AIDA: variants seen among roughly 807,000 people sequenced by gnomAD.
AIDA encodes axin interactor, dorsalization-associated protein.
A neutral mutation model predicts 42.7 loss-of-function variants in AIDA; 18 were observed. The observed-to-expected ratio is 0.42, with a 90% CI of 0.29 to 0.63. The LOEUF (loss-of-function observed/expected upper bound fraction) is 0.63, where lower values mean the gene tolerates loss of function less well. Among genes scored for constraint, AIDA ranks in the 20% least tolerant of loss-of-function variants. The pLI is 0.19. For missense variants in AIDA, 250 were observed against 354.1 expected (o/e 0.71, Z 2.36); for synonymous variants, 104 against 122.9 (o/e 0.85, Z 1.02).
At chr1:222,679,038 A>T (rs944945809) in intron 6 of AIDA, among the ~76,000 whole-genome samples, 3 of 152,106 alleles carry the variant, frequency 2.0e-5, no homozygotes, top group Non-Finnish European at 4.4e-5. Context: ...CTCTTTTATC[A>T]TTTGTTGAAT....
intron 8 of AIDA, among the ~76,000 whole-genome samples, chr1:222,671,512 A>G (rs1334580928): frequency 1.3e-5 from 2 of 152,180 alleles, no homozygotes; most frequent in Non-Finnish European, 2.9e-5. Context: ...AAAACTCACA[A>G]GTCACTAGAA....
At chr1:222,691,746 G>GT (rs1655381593) in intron 4 of AIDA, among the ~76,000 whole-genome samples, 1 of 152,074 alleles carries the variant, frequency 6.6e-6, no homozygotes, top group Non-Finnish European at 1.5e-5. Flanking sequence ...AAAAGACCAT[G>GT]TGTCAGTCAT....
intron 2 of AIDA, among the ~76,000 whole-genome samples, chr1:222,702,867 C>T (rs764143567): frequency 2.0e-5 from 3 of 152,214 alleles, no homozygotes; most frequent in African/African-American, 4.8e-5. Context: ...GGTTCTCCCC[C>T]TCTTCAGCGA....
chr1:222,703,205 A>G lies in AIDA; in HGVS notation c.123T>C (p.His41=). The G allele has an allele frequency of 6.2e-7, 1 of 1,608,006 alleles. No homozygotes were observed. Among genetic ancestry groups the G allele is most frequent in the East Asian group, 2.2e-5 (1 of 44,676 alleles). The change falls in exon 2 of 10, where the codon CAT becomes CAC. Residue 41 remains histidine, a synonymous_variant. Coordinates refer to ENST00000340020, the MANE Select transcript of AIDA (RefSeq NM_022831.4). ...AIDEYQILAR[H]LQKEAQAQHN... ...GTTGAGCTTGGGCCTCCTTTTGTAG[A>G]TGTCTTGCTAATCTGTAAGAAGAAA...
intron 2 of AIDA, among the ~76,000 whole-genome samples, chr1:222,701,872 C>T (rs1655717082): frequency 6.6e-6 from 1 of 152,016 alleles, no homozygotes; most frequent in Non-Finnish European, 1.5e-5. Context: ...TACAGGCACA[C>T]ACCACTACAC....
chr1:222,694,180 C>T (rs962211695), intron 3 of AIDA, 30 bp downstream of exon 3: 6 of 1,577,448 alleles, frequency 3.8e-6, no homozygotes, highest in African/African-American at 2.7e-5. Context: ...ATTTATTTTC[C>T]TTGTATTACA....
At position 222,686,962 on chromosome 1, in the gene AIDA, C is replaced by T; in HGVS notation, c.428G>A (p.Gly143Glu). The T allele has an allele frequency of 1.2e-6, 2 of 1,613,706 alleles. No individual in the cohort carries two copies. The highest frequency in any genetic ancestry group is 2.2e-5 in the East Asian group (1 of 44,880). Residue 143 changes from glycine to glutamate, a missense_variant, in exon 6 of 10, where the codon GGG becomes GAG. This residue lies in a region of AIDA where 199 missense variants were observed against 232.6 expected (regional missense o/e 0.86). Coordinates refer to ENST00000340020, the MANE Select transcript of AIDA (RefSeq NM_022831.4). ...EDEEEGGAGA[G>E]SPDSFPARVP... ...TCTAGCAGGAAAAGAATCAGGAGAC[C>T]CTGCTCCAGCACCACCCTCTTCTTC...
intron 1 of AIDA, among the ~76,000 whole-genome samples, chr1:222,705,882 CA>C (rs369304733): frequency 1.3e-5 from 2 of 148,624 alleles, no homozygotes; most frequent in East Asian, 2.0e-4. Flanking sequence ...AAAACTCCAT[CA>C]AAAAAAAATG....
intron 4 of AIDA, among the ~76,000 whole-genome samples, 154 bp from the exon 5 acceptor site, chr1:222,687,812 T>G (rs1655241935): frequency 6.6e-6 from 1 of 152,166 alleles, no homozygotes; most frequent in African/African-American, 2.4e-5. Context: ...AGTACATTTG[T>G]CCACTGAAGT....
Position 222,668,664 on chromosome 1 carries a change from A to G in AIDA, c.*1229T>C, listed in dbSNP as rs1571919704. On this transcript the variant is annotated 3_prime_UTR_variant, in exon 10 of 10. Transcript: ENST00000340020. ...CTAGGGTGATTACACTAGTTTAAAA[A>G]TAGGCCAGGTACTGACACTGCATTC... 2 of 102,732 alleles carry G rather than the reference A, an allele frequency of 1.9e-5. No homozygotes were observed. Among genetic ancestry groups the G allele is most frequent in the African/African-American group, 7.8e-5 (2 of 25,784 alleles). 6.4% of individuals were successfully genotyped at this position (102,732 alleles called of 1,614,324 possible).
chr1:222,691,464 G>A (rs1429842418), intron 4 of AIDA, among the ~76,000 whole-genome samples: 3 of 151,980 alleles, frequency 2.0e-5, no homozygotes, highest in South Asian at 2.1e-4. Context: ...TTAAAATCAC[G>A]AAATTACATA....
chr1:222,694,133 A>C, intron 3 of AIDA, 77 bp downstream of exon 3: 3 of 1,323,758 alleles, frequency 2.3e-6, no homozygotes, highest in Non-Finnish European at 3.2e-6. Context: ...TGCTTTTGAC[A>C]TAAATGTCTA....
Position 222,670,204 on chromosome 1 carries a change from C to T in AIDA, c.753G>A (p.Arg251=). Residue 251 remains arginine, a synonymous_variant, in exon 9 of 10, where the codon AGG becomes AGA. Transcript: ENST00000340020. The stretch of plus-strand genomic sequence containing the variant: ...AAGCAAAACACTTGGTGCTGGTAAA[C>T]CTTTTTTTAGGCTTGTAGTGTTTGA... ...FEFKHYKPKK[R]FTSTKCFAFM... is the part of the protein sequence containing the mutation. 6.2e-7 allele frequency: 1 copy of T among 1,614,062 alleles called. No individual in the cohort carries two copies. The highest frequency in any genetic ancestry group is 8.5e-7 in the Non-Finnish European group (1 of 1,179,990).
At chr1:222,712,186 G>C (rs1167190319) in intron 1 of AIDA, 22 bp downstream of exon 1, 2 of 1,583,128 alleles carry the variant, frequency 1.3e-6, no homozygotes, top group Admixed American at 1.8e-5. Flanking sequence ...GGTCTGGCCT[G>C]CTCCCGCGGT....
In AIDA at chr1:222,696,932, G is replaced by T. The variant is rs553713142; in HGVS notation, c.181-2669C>A. 9.2e-5 allele frequency among the ~76,000 whole-genome samples: 14 copies of T among 151,878 alleles called. No homozygotes were observed. The South Asian group carries it at 2.5e-3, about 27-fold the overall frequency. On this transcript the variant is annotated intron_variant, in intron 2 of 9. Transcript: ENST00000340020. Reference sequence around the variant, plus strand: ...ATTTCTTGAAGCAGAAGCAACAGGTGTTTTTTGTTTGTTTTTGTTTTTTTT... The same window carrying T: ...ATTTCTTGAAGCAGAAGCAACAGGTTTTTTTTGTTTGTTTTTGTTTTTTTT...
chr1:222,687,181 G>T, intron 5 of AIDA, 145 bp from the exon 6 acceptor site: 1 of 1,366,460 alleles, frequency 7.3e-7, no homozygotes. Flanking sequence ...TGTAATCCTA[G>T]CACTTTTGGA....
Position 222,687,040 on chromosome 1 carries a change from C to T in AIDA, c.354-4G>A. 1 of 1,612,290 alleles carries T rather than the reference C, an allele frequency of 6.2e-7. No individual in the cohort carries two copies. The highest frequency in any genetic ancestry group is 8.5e-7 in the Non-Finnish European group (1 of 1,179,318). On this transcript the variant is annotated splice_polypyrimidine_tract_variant and splice_region_variant and intron_variant, in intron 5 of 9. Transcript: ENST00000340020. The stretch of plus-strand genomic sequence containing the variant: ...TTCACCAGGTGCCAAAATTCTTCTA[C>T]ACAAAAAAAGGGCAGAAAAAACAAC...
intron 8 of AIDA, among the ~76,000 whole-genome samples, chr1:222,672,396 T>A (rs879469901): frequency 1.3e-5 from 2 of 152,208 alleles, no homozygotes; most frequent in African/African-American, 2.4e-5. Context: ...ACGTTATTTA[T>A]TAAGCACCTC....
intron 1 of AIDA, among the ~76,000 whole-genome samples, chr1:222,706,854 C>CAAAAA (rs767799244): frequency 1.4e-5 from 1 of 72,094 alleles, no homozygotes. Flanking sequence ...GACTGCGCCT[C>CAAAAA]AAAAAAAAAA....
Sources: gnomAD v4.1 joint callset for allele counts (sites outside exome capture counted in the v4.1 genomes callset) on GRCh38, gnomAD v4.1.1 for gene constraint, gnomAD v4.1.1 regional missense constraint, MANE v1.5 for transcripts, NCBI Gene and HGNC (gene_info 2026-07-23, HGNC 2026-07-21) for gene names.